FAM135B: variants seen among roughly 807,000 people sequenced by gnomAD.
FAM135B encodes family with sequence similarity 135 member B.
Under a neutral mutation model 127.7 loss-of-function variants are expected in FAM135B, and 43 were observed. The ratio of observed to expected loss-of-function variants is 0.34; its 90% CI spans 0.26 to 0.43. The LOEUF (loss-of-function observed/expected upper bound fraction) is 0.43, where lower values mean the gene tolerates loss of function less well. Ranked by LOEUF, FAM135B falls within the 20% of genes least tolerant of loss-of-function variation. The pLI, the probability that FAM135B is intolerant of heterozygous loss-of-function variation, is 1.00. For synonymous variants in FAM135B, 670 were observed against 665.1 expected (o/e 1.01, Z -0.11); for missense variants, 1,558 against 1,725.6 (o/e 0.90, Z 1.72).
intron 1 of FAM135B, among the ~76,000 whole-genome samples, chr8:138,416,939 C>T (rs573255513): frequency 6.6e-6 from 1 of 152,222 alleles, no homozygotes; most frequent in South Asian, 2.1e-4. Flanking sequence ...ATGGAGTGGC[C>T]CAGTCTCATC....
At chr8:138,251,048 T>C in intron 5 of FAM135B, 34 bp from the exon 6 acceptor site, 1 of 1,610,798 alleles carries the variant, frequency 6.2e-7, no homozygotes. Flanking sequence ...ACGTGAGAAA[T>C]GGTGGGTTGC....
At chr8:138,375,014 A>AACAACC (rs1554678234) in intron 1 of FAM135B, among the ~76,000 whole-genome samples, 46 of 151,882 alleles carry the variant, frequency 3.0e-4, no homozygotes, top group African/African-American at 1.0e-3. Flanking sequence ...CAACAACAAC[A>AACAACC]ACCCCAGATT....
chr8:138,364,144 C>T (rs904445179), intron 2 of FAM135B, among the ~76,000 whole-genome samples: 4 of 152,172 alleles, frequency 2.6e-5, no homozygotes, highest in African/African-American at 7.2e-5. Flanking sequence ...ATGCCCTCTC[C>T]ATGGAACACT....
At chr8:138,437,033 C>T (rs1015580362) in intron 1 of FAM135B, 1 of 152,146 alleles carries the variant, frequency 6.6e-6, no homozygotes, top group Non-Finnish European at 1.5e-5. Context: ...GTTTTTAAGG[C>T]ACCCTGTGCT....
chr8:138,335,784 C>A (rs984093537), intron 2 of FAM135B, among the ~76,000 whole-genome samples: 67 of 152,318 alleles, frequency 4.4e-4, no homozygotes, highest in African/African-American at 1.5e-3. Context: ...ACTCTCCACC[C>A]CAAATCAACA....
At chr8:138,273,406 A>C (rs1823542537) in intron 3 of FAM135B, among the ~76,000 whole-genome samples, 1 of 152,174 alleles carries the variant, frequency 6.6e-6, no homozygotes. Flanking sequence ...GTGTTTCACC[A>C]TGTTAGTCAG....
At chr8:138,294,172 A>G (rs1055190147) in intron 3 of FAM135B, among the ~76,000 whole-genome samples, 1 of 152,176 alleles carries the variant, frequency 6.6e-6, no homozygotes, top group Admixed American at 6.5e-5. Context: ...GTATGTTCTT[A>G]TAAGTGGGAG....
intron 1 of FAM135B, among the ~76,000 whole-genome samples, chr8:138,460,225 G>C (rs747814217): frequency 6.6e-6 from 1 of 152,174 alleles, no homozygotes; most frequent in Non-Finnish European, 1.5e-5. Flanking sequence ...CTGAGGCACA[G>C]GTAAGGGACA....
chr8:138,193,547 C>T (rs1816334332), intron 9 of FAM135B, among the ~76,000 whole-genome samples: 1 of 152,172 alleles, frequency 6.6e-6, no homozygotes, highest in Non-Finnish European at 1.5e-5. Context: ...TTCCTGTGTT[C>T]CTTGTTGTTG....
Position 138,141,311 on chromosome 8 carries a change from G to A in FAM135B, c.3677C>T (p.Ser1226Leu), listed in dbSNP as rs780775718. The part of the protein sequence containing the change: ...GHSLGNIIIR[S>L]VLTRPRFRYY... ...CCGGAACCGGGGCCGTGTGAGGACC[G>A]ATCGGATGATGATGTTGCCAAGAGA... is the stretch of plus-strand genomic sequence containing the variant. The change falls in exon 17 of 20, where the codon TCG (serine) becomes TTG (leucine). Residue 1226 changes from serine to leucine, a missense_variant. Physicochemically the swap from Ser to Leu is moderately radical, Grantham distance 145. Transcript: ENST00000395297. The surrounding 1 kb of genome is among the most constrained non-coding windows in gnomAD (Gnocchi z 4.7). 6.2e-6 allele frequency: 10 copies of A among 1,614,118 alleles called. No individual in the cohort carries two copies. Among genetic ancestry groups the A allele is most frequent in the East Asian group, 4.5e-5 (2 of 44,872 alleles).
chr8:138,449,313 T>C (rs948473091), intron 1 of FAM135B, among the ~76,000 whole-genome samples: 1 of 152,056 alleles, frequency 6.6e-6, no homozygotes, highest in Admixed American at 6.6e-5. Flanking sequence ...CATAAAGGGA[T>C]TGAGGCTGGC....
intron 3 of FAM135B, among the ~76,000 whole-genome samples, chr8:138,308,711 C>T (rs1284500680): frequency 6.6e-6 from 1 of 152,106 alleles, no homozygotes; most frequent in Non-Finnish European, 1.5e-5. Flanking sequence ...GCTCTGCCAA[C>T]CACTGAGCAT....
At chr8:138,185,979 C>G (rs1419140804) in intron 9 of FAM135B, among the ~76,000 whole-genome samples, 1 of 152,122 alleles carries the variant, frequency 6.6e-6, no homozygotes, top group African/African-American at 2.4e-5. Flanking sequence ...TAGGTGGGAC[C>G]CAAGTACCCA....
chr8:138,411,739 T>C (rs1833880886), intron 1 of FAM135B, among the ~76,000 whole-genome samples: 1 of 152,198 alleles, frequency 6.6e-6, no homozygotes, highest in South Asian at 2.1e-4. Flanking sequence ...CCTACTCATC[T>C]GACAAAGGGC....
intron 3 of FAM135B, among the ~76,000 whole-genome samples, chr8:138,296,798 CT>C (rs1332144152): frequency 3.9e-5 from 6 of 152,264 alleles, no homozygotes; most frequent in Non-Finnish European, 2.9e-5. Flanking sequence ...GTAACTATTT[CT>C]CTTGCTATTA....
intron 11 of FAM135B, among the ~76,000 whole-genome samples, chr8:138,176,713 C>T (rs529605339): frequency 6.6e-6 from 1 of 152,186 alleles, no homozygotes; most frequent in Non-Finnish European, 1.5e-5. Flanking sequence ...ATCTTTCCAT[C>T]CACATTTAAT....
intron 1 of FAM135B, among the ~76,000 whole-genome samples, chr8:138,483,823 C>T (rs940026934): frequency 4.6e-5 from 7 of 152,058 alleles, no homozygotes; most frequent in African/African-American, 1.7e-4. Flanking sequence ...GAATGAGATG[C>T]CTCTTAAAGC....
chr8:138,345,854 T>C (rs1213169490), intron 2 of FAM135B, among the ~76,000 whole-genome samples: 1 of 152,256 alleles, frequency 6.6e-6, no homozygotes, highest in Non-Finnish European at 1.5e-5. Context: ...AAGGTGGATG[T>C]GGACAGGACT....
chr8:138,143,154 G>T, intron 15 of FAM135B, 45 bp from the exon 16 acceptor site: 1 of 1,129,584 alleles, frequency 8.9e-7, no homozygotes, highest in South Asian at 1.2e-5. Context: ...GTTGTGGCGG[G>T]GGCTGGGCTT....
Sources: allele counts gnomAD v4.1 joint callset (sites outside exome capture counted in the v4.1 genomes callset), GRCh38; gene constraint gnomAD v4.1.1; non-coding constraint Gnocchi (gnomAD v3.1); transcripts MANE v1.5; gene names NCBI Gene and HGNC (gene_info 2026-07-23, HGNC 2026-07-21).